Variants in DBX2 observed in about 807,000 individuals in gnomAD.
DBX2 encodes developing brain homeobox 2.
A neutral mutation model predicts 17.7 loss-of-function variants in DBX2; 16 were observed. The ratio of observed to expected loss-of-function variants is 0.90; its 90% confidence interval spans 0.61 to 1.37. DBX2 has a LOEUF of 1.37. DBX2 is among the 40% of genes most tolerant of loss of function. The pLI is 0.00. For synonymous variants in DBX2, 255 were observed against 183.8 expected (o/e 1.39, Z -3.13); for missense variants, 538 against 433.8 (o/e 1.24, Z -2.13).
intron 2 of DBX2, among the ~76,000 whole-genome samples, chr12:45,029,911 T>TAAATAAATAAATAAAA (rs1478147925): frequency 8.8e-4 from 127 of 144,402 alleles, no homozygotes; most frequent in Middle Eastern, 3.6e-3. Flanking sequence ...AATAAATAAA[T>TAAATAAATAAATAAAA]AAAAATAAAG....
rs891285284 is a variant in DBX2 at position 45,050,943 on chromosome 12, G to A, written c.-16C>T. On this transcript the variant is annotated 5_prime_UTR_variant, in exon 1 of 4. Coordinates refer to ENST00000332700, the MANE Select transcript of DBX2 (RefSeq NM_001004329.3). The stretch of plus-strand genomic sequence containing the variant: ...TGGGGAGCATAGTGCGGCGCCAACC[G>A]GTCTGCTGCGCGCCCGCCTTGCGCC... The A allele has an allele frequency of 2.1e-6, 3 of 1,418,640 alleles. No homozygotes were observed. The highest frequency in any genetic ancestry group is 6.0e-5 in the East Asian group (2 of 33,060). The allele number at this position is 1,418,640 out of a possible 1,614,324, so 87.9% of individuals were successfully genotyped here.
chr12:45,046,251 T>C (rs1946499489), intron 1 of DBX2, among the ~76,000 whole-genome samples: 1 of 152,152 alleles, frequency 6.6e-6, no homozygotes, highest in Admixed American at 6.5e-5. Flanking sequence ...AATATGTTAG[T>C]TTTAAATAAA....
At chr12:45,048,767 GGTT>G (rs1212915651) in intron 1 of DBX2, among the ~76,000 whole-genome samples, 4 of 152,038 alleles carry the variant, frequency 2.6e-5, no homozygotes, top group Non-Finnish European at 4.4e-5. Flanking sequence ...AAAAAACAAA[GGTT>G]GTTTGTTCAA....
chr12:45,032,238 C>T (rs1946414580), intron 2 of DBX2, among the ~76,000 whole-genome samples: 1 of 152,126 alleles, frequency 6.6e-6, no homozygotes, highest in African/African-American at 2.4e-5. Flanking sequence ...AAGTCAACAC[C>T]TATTCAACTT....
chr12:45,031,225 T>TGTGTGTGTGAGAGAGAGA (rs1377897653), intron 2 of DBX2, among the ~76,000 whole-genome samples: 26 of 85,652 alleles, frequency 3.0e-4, no homozygotes, highest in East Asian at 1.6e-3. Context: ...TGTGTGTGTG[T>TGTGTGTGTGAGAGAGAGA]GAGAGAGAGA....
At chr12:45,019,402 G>A (rs1367587949) in intron 3 of DBX2, among the ~76,000 whole-genome samples, 2 of 151,982 alleles carry the variant, frequency 1.3e-5, no homozygotes, top group Non-Finnish European at 2.9e-5. Context: ...AATTCAAATC[G>A]AAAAATAACA....
chr12:45,028,041 A>G (rs1946390631), intron 2 of DBX2, among the ~76,000 whole-genome samples: 3 of 152,234 alleles, frequency 2.0e-5, no homozygotes, highest in Admixed American at 6.5e-5. Flanking sequence ...CTAGAAGAAC[A>G]GCAATTCCTC....
chr12:45,025,763 G>C (rs1416916218), intron 2 of DBX2, among the ~76,000 whole-genome samples: 2 of 146,034 alleles, frequency 1.4e-5, no homozygotes, highest in African/African-American at 5.1e-5. Context: ...TACTAGAATA[G>C]AAAGATCTGC....
chr12:45,036,303 G>A (rs1394873726), intron 1 of DBX2, among the ~76,000 whole-genome samples, 189 bp from the exon 2 acceptor site: 2 of 152,060 alleles, frequency 1.3e-5, no homozygotes, highest in African/African-American at 4.8e-5. Flanking sequence ...ATTTGAGAGG[G>A]GTAGTGAAAA....
intron 1 of DBX2, among the ~76,000 whole-genome samples, chr12:45,045,411 T>C (rs1466251842): frequency 1.3e-5 from 2 of 152,262 alleles, no homozygotes; most frequent in East Asian, 1.9e-4. Context: ...CATTTTTGTA[T>C]AAACTTTCAT....
At chr12:45,027,036 A>T (rs1384109125) in intron 2 of DBX2, among the ~76,000 whole-genome samples, 1 of 152,216 alleles carries the variant, frequency 6.6e-6, no homozygotes, top group Non-Finnish European at 1.5e-5. Flanking sequence ...AATATTCTGA[A>T]TATCTCAATA....
At chr12:45,024,697 C>T (rs138245415) in intron 2 of DBX2, among the ~76,000 whole-genome samples, 2 of 152,128 alleles carry the variant, frequency 1.3e-5, no homozygotes, top group Non-Finnish European at 2.9e-5. Flanking sequence ...GCTCTCATTA[C>T]CTGTAAGATA....
In DBX2 at chr12:45,051,032, A is replaced by C. The variant is rs1348773518; in HGVS notation, c.-105T>G. On this transcript the variant is annotated 5_prime_UTR_variant, in exon 1 of 4. Coordinates refer to ENST00000332700, the MANE Select transcript of DBX2 (RefSeq NM_001004329.3). Reference sequence around the variant, plus strand: ...GCAGCTTCTCGCCGCCGCCTCCCGCAGGGCTGGAGCGCGCGGAGCCAGGCA... The same window carrying C: ...GCAGCTTCTCGCCGCCGCCTCCCGCCGGGCTGGAGCGCGCGGAGCCAGGCA... 1.6e-6 allele frequency: 2 copies of C among 1,271,892 alleles called. No individual in the cohort carries two copies. Among genetic ancestry groups the C allele is most frequent in the Non-Finnish European group, 2.0e-6 (2 of 1,006,404 alleles). The allele number at this position is 1,271,892 out of a possible 1,614,324, so 78.8% of individuals were successfully genotyped here.
Position 45,046,788 on chromosome 12 carries a change from T to C in DBX2, c.403+3737A>G, listed in dbSNP as rs546203880. Among the ~76,000 whole-genome samples the C allele has an allele frequency of 7.9e-5, 12 of 152,258 alleles. 1 individual carries two copies. The South Asian group carries it at 1.5e-3, about 18-fold the overall frequency. ...AGAAAACTAGAGTGCACATTAAGTA[T>C]TGATGGTCAGAAACAATCCTAACCG... On this transcript the variant is annotated intron_variant, in intron 1 of 3. Transcript: ENST00000332700.
chr12:45,025,095 T>C (rs1190110313), intron 2 of DBX2, among the ~76,000 whole-genome samples: 3 of 152,214 alleles, frequency 2.0e-5, no homozygotes, highest in Admixed American at 1.3e-4. Context: ...GAATATGTTA[T>C]GTTACATGGC....
intron 2 of DBX2, among the ~76,000 whole-genome samples, chr12:45,029,023 G>T (rs943419951): frequency 2.0e-5 from 3 of 152,092 alleles, no homozygotes; most frequent in Non-Finnish European, 4.4e-5. Flanking sequence ...CCACAAACAC[G>T]TTGATGAACC....
chr12:45,042,136 T>C (rs56107139), intron 1 of DBX2, among the ~76,000 whole-genome samples: 2,625 of 152,164 alleles, frequency 0.017, 50 homozygotes, highest in East Asian at 0.048. Flanking sequence ...GTGATTATAA[T>C]ATAAAGCAAG....
At chr12:45,031,941 T>A (rs534345660) in intron 2 of DBX2, among the ~76,000 whole-genome samples, 2 of 152,168 alleles carry the variant, frequency 1.3e-5, no homozygotes, top group African/African-American at 4.8e-5. Flanking sequence ...TTTCATGTTA[T>A]GCTCAGACTA....
At chr12:45,050,145 G>A (rs962480217) in intron 1 of DBX2, among the ~76,000 whole-genome samples, 1 of 152,140 alleles carries the variant, frequency 6.6e-6, no homozygotes, top group African/African-American at 2.4e-5. Flanking sequence ...GTGCAGCCCG[G>A]GAAACAGGAC....
Sources: gnomAD v4.1 joint callset for allele counts (sites outside exome capture counted in the v4.1 genomes callset) on GRCh38, gnomAD v4.1.1 for gene constraint, MANE v1.5 for transcripts, NCBI Gene and HGNC (gene_info 2026-07-23, HGNC 2026-07-21) for gene names.